The following GALNTL6 variants were observed in gnomAD, a reference collection of about 807,000 sequenced individuals.
GALNTL6 encodes the protein polypeptide N-acetylgalactosaminyltransferase like 6.
GALNTL6 carries 46 observed loss-of-function variants against 73.7 expected under a neutral mutation model. The ratio of observed to expected loss-of-function variants is 0.62; its 90% CI spans 0.49 to 0.80. The LOEUF is 0.80. Ranked by LOEUF, GALNTL6 falls within the 30% of genes least tolerant of loss-of-function variation. The probability of loss-of-function intolerance (pLI) is 0.00; values close to 1 mark genes in which losing one functional copy is unlikely to be tolerated. For missense variants in GALNTL6, 604 were observed against 755.0 expected (o/e 0.80, Z 2.34); for synonymous variants, 259 against 263.7 (o/e 0.98, Z 0.17).
At chr4:172,393,012 A>G (rs564318368) in intron 5 of GALNTL6, among the ~76,000 whole-genome samples, 6 of 152,256 alleles carry the variant, frequency 3.9e-5, no homozygotes, top group Admixed American at 2.6e-4. Context: ...CACAAGCCCT[A>G]TTGTGAACTG....
intron 2 of GALNTL6, among the ~76,000 whole-genome samples, chr4:171,925,881 A>G (rs561473648): frequency 6.6e-6 from 1 of 152,126 alleles, no homozygotes; most frequent in Non-Finnish European, 1.5e-5. Context: ...CAGAAATATA[A>G]AAGTACTTCT....
intron 5 of GALNTL6, among the ~76,000 whole-genome samples, chr4:172,711,307 G>A (rs1333078307): frequency 6.6e-6 from 1 of 152,128 alleles, no homozygotes; most frequent in East Asian, 1.9e-4. Flanking sequence ...GATGGGTTCT[G>A]TAAACGTATA....
intron 3 of GALNTL6, among the ~76,000 whole-genome samples, chr4:172,288,397 A>AT (rs1035959960): frequency 3.9e-5 from 6 of 151,946 alleles, no homozygotes; most frequent in Admixed American, 6.6e-5. Context: ...GGCCGAATTG[A>AT]TTTTTTTTGT....
chr4:172,152,604 G>T (rs764649861), intron 2 of GALNTL6, among the ~76,000 whole-genome samples: 13 of 152,186 alleles, frequency 8.5e-5, no homozygotes, highest in Non-Finnish European at 1.3e-4. Context: ...TTTCAGAAAT[G>T]CAATTTTTTC....
intron 2 of GALNTL6, among the ~76,000 whole-genome samples, chr4:171,956,640 G>T (rs1455558378): frequency 6.6e-6 from 1 of 151,932 alleles, no homozygotes; most frequent in African/African-American, 2.4e-5. Context: ...AATATTCATT[G>T]TTTTATTATC....
In GALNTL6 at chr4:172,676,881, T is replaced by C. The variant is rs991771897; in HGVS notation, c.554-132480T>C. On this transcript the variant is annotated intron_variant, in intron 5 of 12. Transcript: ENST00000506823. Reference sequence around the variant, plus strand: ...TAAATGTGTAAGGCAATTTCAGGGCTCTCTAACATTTCTGAGTTTAAGGTA... The same window carrying C: ...TAAATGTGTAAGGCAATTTCAGGGCCCTCTAACATTTCTGAGTTTAAGGTA... Among the ~76,000 whole-genome samples, 13 of 152,334 alleles carry C rather than the reference T, an allele frequency of 8.5e-5. No individual in the cohort carries two copies. In the East Asian group the frequency reaches 2.5e-3, roughly 29 times the overall value.
chr4:172,607,455 T>C (rs1738349624), intron 5 of GALNTL6, among the ~76,000 whole-genome samples: 1 of 152,210 alleles, frequency 6.6e-6, no homozygotes, highest in South Asian at 2.1e-4. Context: ...GCATCCAGGT[T>C]GCTGCAAGGA....
intron 8 of GALNTL6, among the ~76,000 whole-genome samples, chr4:172,925,420 C>A (rs1748012016): frequency 6.6e-6 from 1 of 152,160 alleles, no homozygotes; most frequent in African/African-American, 2.4e-5. Context: ...TCTAAGATGA[C>A]TCTCTTCCTT....
chr4:172,157,506 C>T (rs951261841), intron 2 of GALNTL6, among the ~76,000 whole-genome samples: 1 of 152,102 alleles, frequency 6.6e-6, no homozygotes, highest in Non-Finnish European at 1.5e-5. Context: ...TCATGGTGTG[C>T]TGAAGAGTAG....
intron 2 of GALNTL6, among the ~76,000 whole-genome samples, chr4:171,860,555 T>C (rs939272862): frequency 1.3e-5 from 2 of 152,134 alleles, no homozygotes; most frequent in South Asian, 4.1e-4. Context: ...AGACTCTACT[T>C]TATAATCCTT....
intron 10 of GALNTL6, among the ~76,000 whole-genome samples, chr4:172,967,376 G>A (rs1336037071): frequency 2.6e-5 from 4 of 152,156 alleles, no homozygotes; most frequent in Non-Finnish European, 5.9e-5. Flanking sequence ...ATCTCAGGAG[G>A]AGCTTAATTT....
chr4:172,210,851 T>C (rs146902049), intron 2 of GALNTL6, among the ~76,000 whole-genome samples: 1 of 152,288 alleles, frequency 6.6e-6, no homozygotes, highest in African/African-American at 2.4e-5. Context: ...CCCACTTTAT[T>C]TATTTATTCA....
At chr4:171,912,627 A>G (rs1737508370) in intron 2 of GALNTL6, among the ~76,000 whole-genome samples, 1 of 152,136 alleles carries the variant, frequency 6.6e-6, no homozygotes, top group Admixed American at 6.6e-5. Context: ...TCTCCCTGCT[A>G]TATTATTGAA....
chr4:172,230,504 C>T (rs958519465), intron 3 of GALNTL6, among the ~76,000 whole-genome samples: 6 of 151,014 alleles, frequency 4.0e-5, no homozygotes, highest in Non-Finnish European at 8.9e-5. Flanking sequence ...GGAGAATGGC[C>T]CGGGGGGTGG....
chr4:172,515,004 C>A (rs1223381731), intron 5 of GALNTL6, among the ~76,000 whole-genome samples: 3 of 152,144 alleles, frequency 2.0e-5, no homozygotes, highest in Non-Finnish European at 2.9e-5. Context: ...GGTCTGAATT[C>A]TTTTGGTTTT....
chr4:172,512,451 G>A (rs1008568760), intron 5 of GALNTL6, among the ~76,000 whole-genome samples: 3 of 152,110 alleles, frequency 2.0e-5, no homozygotes, highest in African/African-American at 4.8e-5. Context: ...CTGTAGTATT[G>A]AGATGTGAGG....
chr4:171,960,639 GTA>G (rs931113800), intron 2 of GALNTL6, among the ~76,000 whole-genome samples: 9 of 131,756 alleles, frequency 6.8e-5, no homozygotes, highest in Non-Finnish European at 1.3e-4. Flanking sequence ...CAAATAAAAT[GTA>G]TATATAAATT....
intron 3 of GALNTL6, among the ~76,000 whole-genome samples, chr4:172,266,984 G>A (rs1043688192): frequency 1.3e-5 from 2 of 152,050 alleles, no homozygotes; most frequent in East Asian, 1.9e-4. Context: ...GATGGGGTCC[G>A]GGGAATTTTT....
intron 5 of GALNTL6, among the ~76,000 whole-genome samples, chr4:172,458,064 ACT>A (rs1223910621): frequency 6.6e-6 from 1 of 152,046 alleles, no homozygotes; most frequent in African/African-American, 2.4e-5. Context: ...GGATTAAGAA[ACT>A]CACTCAAAAC....
Sources: gnomAD v4.1 joint callset for allele counts (sites outside exome capture counted in the v4.1 genomes callset) on GRCh38, gnomAD v4.1.1 for gene constraint, MANE v1.5 for transcripts, NCBI Gene and HGNC (gene_info 2026-07-23, HGNC 2026-07-21) for gene names.